ATF6: variants seen among roughly 807,000 people sequenced by gnomAD.
The protein encoded by ATF6 is activating transcription factor 6.
Under a neutral mutation model 83.6 loss-of-function variants are expected in ATF6, and 53 were observed. That is an observed-to-expected ratio of 0.63 (90% CI 0.51 to 0.80). The LOEUF (loss-of-function observed/expected upper bound fraction) is 0.80. Ranked by LOEUF, ATF6 falls within the 30% of genes least tolerant of loss-of-function variation. The pLI is 0.00. For synonymous variants in ATF6, 288 were observed against 285.8 expected (o/e 1.01, Z -0.08); for missense variants, 744 against 797.9 (o/e 0.93, Z 0.81).
At chr1:161,953,723 G>A (rs890079517) in intron 15 of ATF6, among the ~76,000 whole-genome samples, 3 of 152,102 alleles carry the variant, frequency 2.0e-5, no homozygotes, top group African/African-American at 2.4e-5. Flanking sequence ...TCTTGAGTTT[G>A]GAAGCACTTA....
intron 9 of ATF6, among the ~76,000 whole-genome samples, chr1:161,840,895 A>C (rs1328982067): frequency 1.3e-5 from 2 of 152,098 alleles, no homozygotes; most frequent in African/African-American, 2.4e-5. Flanking sequence ...TAATATTTGT[A>C]GCTTGTTTTA....
At chr1:161,942,081 G>T (rs570363009) in intron 15 of ATF6, among the ~76,000 whole-genome samples, 30 of 152,170 alleles carry the variant, frequency 2.0e-4, no homozygotes, top group African/African-American at 6.5e-4. Flanking sequence ...CAATACAACA[G>T]CTTTCTCTGG....
chr1:161,895,480 C>T (rs917022687), intron 14 of ATF6, among the ~76,000 whole-genome samples: 14 of 152,290 alleles, frequency 9.2e-5, no homozygotes, highest in African/African-American at 2.9e-4. Flanking sequence ...ATTATAACTT[C>T]GTTTGATAGA....
chr1:161,951,761 G>T (rs997912214), intron 15 of ATF6, among the ~76,000 whole-genome samples: 1 of 152,118 alleles, frequency 6.6e-6, no homozygotes. Context: ...TGTAATTTCT[G>T]GTTTCACAGA....
At chr1:161,829,170 A>G (rs1196619547) in intron 9 of ATF6, among the ~76,000 whole-genome samples, 2 of 148,514 alleles carry the variant, frequency 1.3e-5, no homozygotes, top group East Asian at 4.0e-4. Flanking sequence ...TTAGACTCCC[A>G]CACAATCATA....
rs1684269044 is a variant in ATF6, at chr1:161,766,549, T to A, written c.82+107T>A. 4.1e-6 allele frequency: 4 copies of A among 977,796 alleles called. No individual in the cohort carries two copies. The Admixed American group carries it at 7.3e-5, about 18-fold the overall frequency. The allele number at this position is 977,796 out of a possible 1,614,324, so 60.6% of individuals were successfully genotyped here. On this transcript the variant is annotated intron_variant, in intron 1 of 15. Transcript: ENST00000367942. Reference sequence around the variant, plus strand: ...GTGACAGGTGTGGACCAACCCTGCCTGGGGAGTGAGGCCCCTCGTCACTCC... The same window carrying A: ...GTGACAGGTGTGGACCAACCCTGCCAGGGGAGTGAGGCCCCTCGTCACTCC...
At chr1:161,857,135 T>A (rs1686782984) in intron 12 of ATF6, among the ~76,000 whole-genome samples, 1 of 152,188 alleles carries the variant, frequency 6.6e-6, no homozygotes, top group Non-Finnish European at 1.5e-5. Flanking sequence ...TTTAAAAAAA[T>A]TCTGTTTCTT....
At chr1:161,853,112 A>G in intron 11 of ATF6, 112 bp from the exon 12 acceptor site, 1 of 723,666 alleles carries the variant, frequency 1.4e-6, no homozygotes, top group Non-Finnish European at 2.2e-6. Flanking sequence ...AGGCACTTGG[A>G]ATGCTCTTTG....
chr1:161,944,692 A>G (rs1220310420), intron 15 of ATF6, among the ~76,000 whole-genome samples: 1 of 152,230 alleles, frequency 6.6e-6, no homozygotes, highest in Middle Eastern at 3.2e-3. Flanking sequence ...CTCTGCTGCA[A>G]GGAAGCTCTC....
At chr1:161,767,886 G>A (rs556292263) in intron 1 of ATF6, among the ~76,000 whole-genome samples, 4 of 151,952 alleles carry the variant, frequency 2.6e-5, no homozygotes, top group African/African-American at 9.7e-5. Flanking sequence ...ATGGAGTTTC[G>A]CTTTTGTTGC....
chr1:161,918,625 G>T (rs1235870925), intron 15 of ATF6, among the ~76,000 whole-genome samples: 1 of 152,274 alleles, frequency 6.6e-6, no homozygotes, highest in Admixed American at 6.5e-5. Flanking sequence ...ACATTGTGAG[G>T]CTATCCCTAA....
chr1:161,832,828 G>A (rs1330795890), intron 9 of ATF6, among the ~76,000 whole-genome samples: 1 of 152,200 alleles, frequency 6.6e-6, no homozygotes, highest in Admixed American at 6.5e-5. Context: ...CACCTCTAGG[G>A]GCAGGGCACA....
intron 14 of ATF6, among the ~76,000 whole-genome samples, chr1:161,878,480 G>C (rs1002001532): frequency 6.6e-6 from 1 of 152,032 alleles, no homozygotes; most frequent in Non-Finnish European, 1.5e-5. Context: ...AGAGTATATA[G>C]AGAGAGGAGG....
Position 161,773,387 on chromosome 1 carries a change from C to T in ATF6, c.83-4857C>T, listed in dbSNP as rs1203311866. 2.0e-5 allele frequency among the ~76,000 whole-genome samples: 3 copies of T among 152,042 alleles called. No individual in the cohort carries two copies. The East Asian group carries it at 5.8e-4, about 29-fold the overall frequency. ...CTCCTGACCTCATGATCCGCCTGCC[C>T]ACCTTGGCCTCCCAAAGTGCTGAGA... On this transcript the variant is annotated intron_variant, in intron 1 of 15. Transcript: ENST00000367942.
intron 2 of ATF6, among the ~76,000 whole-genome samples, chr1:161,779,865 A>G (rs1684594376): frequency 6.6e-6 from 1 of 151,950 alleles, no homozygotes; most frequent in South Asian, 2.1e-4. Flanking sequence ...AGCCTCCTGA[A>G]TAGCTGGGAC....
rs1428861560 is a variant in ATF6, at chr1:161,960,345, C to T, written c.*1691C>T. 4.6e-5 allele frequency: 7 copies of T among 152,178 alleles called. No homozygotes were observed. The highest frequency in any genetic ancestry group is 1.0e-4 in the Non-Finnish European group (7 of 68,030). 9.4% of individuals were successfully genotyped at this position (152,178 alleles called of 1,614,324 possible). On this transcript the variant is annotated 3_prime_UTR_variant, in exon 16 of 16. Coordinates refer to ENST00000367942, the MANE Select transcript of ATF6 (RefSeq NM_007348.4). ...TGCCTTTGTCAGATTTCTTCTTGTTCCACACTATAGCAATCAATTTCTCTT... is the reference window on the plus strand; with the variant it reads ...TGCCTTTGTCAGATTTCTTCTTGTTTCACACTATAGCAATCAATTTCTCTT...
chr1:161,810,007 G>A (rs371382194), intron 7 of ATF6, among the ~76,000 whole-genome samples: 14 of 152,268 alleles, frequency 9.2e-5, no homozygotes, highest in African/African-American at 3.4e-4. Context: ...GGGCCAGAAG[G>A]TATGTACTTG....
intron 4 of ATF6, among the ~76,000 whole-genome samples, chr1:161,788,611 C>G (rs181085289): frequency 6.6e-6 from 1 of 151,760 alleles, no homozygotes; most frequent in East Asian, 1.9e-4. Context: ...TTAAGAAGTC[C>G]TTCTATGCTT....
chr1:161,832,104 A>G (rs1686079064), intron 9 of ATF6, among the ~76,000 whole-genome samples: 2 of 152,146 alleles, frequency 1.3e-5, no homozygotes, highest in Admixed American at 1.3e-4. Context: ...ACTCTGAAAG[A>G]CTATAGATAT....
Sources: allele counts gnomAD v4.1 joint callset (sites outside exome capture counted in the v4.1 genomes callset), GRCh38; gene constraint gnomAD v4.1.1; transcripts MANE v1.5; gene names NCBI Gene and HGNC (gene_info 2026-07-23, HGNC 2026-07-21).